FAM117B: variants seen among roughly 807,000 people sequenced by gnomAD.
The protein encoded by FAM117B is protein FAM117B.
In FAM117B, 22 loss-of-function variants were observed where a neutral mutation model predicts 52.8. The observed-to-expected ratio is 0.42, with a 90% CI of 0.30 to 0.59. FAM117B has a LOEUF of 0.59. FAM117B is among the 20% of genes least tolerant of loss of function. FAM117B has a pLI of 0.22. For missense variants in FAM117B, 678 were observed against 802.6 expected (o/e 0.84, Z 1.88); for synonymous variants, 309 against 324.1 (o/e 0.95, Z 0.50).
At chr2:202,654,684 A>G (rs1690026294) in intron 1 of FAM117B, among the ~76,000 whole-genome samples, 4 of 147,134 alleles carry the variant, frequency 2.7e-5, no homozygotes, top group Non-Finnish European at 6.0e-5. Context: ...TTTTTTGCCC[A>G]TATTGGAGTC....
intron 4 of FAM117B, among the ~76,000 whole-genome samples, chr2:202,734,492 A>G (rs1026248198): frequency 1.3e-5 from 2 of 152,218 alleles, no homozygotes; most frequent in African/African-American, 4.8e-5. Context: ...TAAAATACAA[A>G]TACAGTTGTC....
intron 1 of FAM117B, among the ~76,000 whole-genome samples, chr2:202,676,286 C>T (rs997349651): frequency 1.3e-5 from 2 of 151,992 alleles, no homozygotes; most frequent in African/African-American, 4.8e-5. Context: ...TTGGTTGTAT[C>T]TCTGTGGTAG....
intron 4 of FAM117B, among the ~76,000 whole-genome samples, chr2:202,745,606 TCAA>T (rs979770083): frequency 6.6e-6 from 1 of 152,212 alleles, no homozygotes; most frequent in Admixed American, 6.5e-5. Flanking sequence ...TTCTTACCTA[TCAA>T]CAACAACCTT....
chr2:202,656,219 A>G (rs1334270541), intron 1 of FAM117B, among the ~76,000 whole-genome samples: 1 of 151,950 alleles, frequency 6.6e-6, no homozygotes, highest in African/African-American at 2.4e-5. Flanking sequence ...CATTTCATTC[A>G]TCTCTGCTCT....
rs1398294710 is a variant in FAM117B, at chr2:202,646,316, C to T, written c.601+10528C>T. Among the ~76,000 whole-genome samples the T allele has an allele frequency of 2.0e-5, 3 of 152,344 alleles. No individual in the cohort carries two copies. In the East Asian group the frequency reaches 5.8e-4, roughly 29 times the overall value. ...GTGAGCCGCTTGGCCTGGCCACTTT[C>T]TATTAATATTTAAGTGAGACATTAA... On this transcript the variant is annotated intron_variant, in intron 1 of 7. Transcript: ENST00000392238.
intron 4 of FAM117B, among the ~76,000 whole-genome samples, chr2:202,729,239 C>T (rs1417393671): frequency 6.6e-6 from 1 of 151,944 alleles, no homozygotes; most frequent in South Asian, 2.1e-4. Context: ...GAGGCTGAGG[C>T]AGGAGAATGG....
intron 1 of FAM117B, among the ~76,000 whole-genome samples, chr2:202,669,488 C>T (rs1429898171): frequency 1.3e-5 from 2 of 151,736 alleles, no homozygotes; most frequent in Non-Finnish European, 2.9e-5. Context: ...TGCTTATTTT[C>T]GGGAGTGAAT....
intron 1 of FAM117B, among the ~76,000 whole-genome samples, chr2:202,658,037 T>G (rs1221465524): frequency 6.6e-6 from 1 of 152,172 alleles, no homozygotes; most frequent in Non-Finnish European, 1.5e-5. Flanking sequence ...TTACAGTGAT[T>G]CTATATGTTA....
chr2:202,754,465 G>T (rs1691770091), intron 4 of FAM117B, among the ~76,000 whole-genome samples: 3 of 152,118 alleles, frequency 2.0e-5, no homozygotes, highest in African/African-American at 7.2e-5. Context: ...AAACCTGCAT[G>T]TTCTGCACAT....
intron 1 of FAM117B, among the ~76,000 whole-genome samples, chr2:202,672,424 G>T (rs1467336300): frequency 6.6e-6 from 1 of 152,066 alleles, no homozygotes; most frequent in Non-Finnish European, 1.5e-5. Flanking sequence ...TGTTGGCCAG[G>T]GCTGATCTTG....
At chr2:202,733,764 T>TATTGTGCACCCAAGGTGCA (rs2105790535) in intron 4 of FAM117B, among the ~76,000 whole-genome samples, 1 of 152,332 alleles carries the variant, frequency 6.6e-6, no homozygotes, top group East Asian at 1.9e-4. Flanking sequence ...TGTTTTACAA[T>TATTGTGCACCCAAGGTGCA]CAGATTTCAT....
chr2:202,635,796 C>T lies in FAM117B; in HGVS notation c.601+8C>T, dbSNP rs1559090767. On this transcript the variant is annotated splice_region_variant and intron_variant, in intron 1 of 7. Transcript: ENST00000392238. Reference sequence around the variant, plus strand: ...CCCCGGTTTGCAAAGCAGGTAAGTGCTGGGGGTCGCGCAGCAAGGGGGAGG... The same window carrying T: ...CCCCGGTTTGCAAAGCAGGTAAGTGTTGGGGGTCGCGCAGCAAGGGGGAGG... 1.4e-6 allele frequency: 2 copies of T among 1,432,704 alleles called. No homozygotes were observed. Among genetic ancestry groups the T allele is most frequent in the Admixed American group, 2.6e-5 (1 of 37,998 alleles). 88.7% of individuals were successfully genotyped at this position (1,432,704 alleles called of 1,614,324 possible). A position where few individuals can be genotyped will look rare whatever the true frequency, so the allele number is the denominator to read the frequency against.
At chr2:202,661,126 A>G (rs1488734255) in intron 1 of FAM117B, among the ~76,000 whole-genome samples, 1 of 152,230 alleles carries the variant, frequency 6.6e-6, no homozygotes. Flanking sequence ...TCACTTCCCT[A>G]TCAGCTCTTC....
intron 1 of FAM117B, among the ~76,000 whole-genome samples, chr2:202,638,801 T>C (rs1689723886): frequency 6.6e-6 from 1 of 152,172 alleles, no homozygotes; most frequent in African/African-American, 2.4e-5. Flanking sequence ...ATAAAAACTC[T>C]TATTTTTCTA....
At chr2:202,758,912 C>A (rs1422287752) in intron 6 of FAM117B, among the ~76,000 whole-genome samples, 1 of 152,150 alleles carries the variant, frequency 6.6e-6, no homozygotes, top group Non-Finnish European at 1.5e-5. Flanking sequence ...AATGAAGAAC[C>A]ATTTCAGATA....
At chr2:202,642,565 G>A (rs1468213511) in intron 1 of FAM117B, among the ~76,000 whole-genome samples, 1 of 151,952 alleles carries the variant, frequency 6.6e-6, no homozygotes, top group Non-Finnish European at 1.5e-5. Flanking sequence ...ACAGTGAGGA[G>A]AACAGATTTG....
In FAM117B at chr2:202,766,538, C is replaced by G. The variant is rs1014725809; in HGVS notation, c.*774C>G. 4 of 152,620 alleles carry G rather than the reference C, an allele frequency of 2.6e-5. No homozygotes were observed. Among genetic ancestry groups the G allele is most frequent in the Middle Eastern group, 6.3e-3 (2 of 316 alleles). The allele number at this position is 152,620 out of a possible 1,614,324, so 9.5% of individuals were successfully genotyped here. ...TTCTTCACTACTCCTGTACACATTT[C>G]ACCATGTGGTCAGAAAAGTTGTAGT... On this transcript the variant is annotated 3_prime_UTR_variant, in exon 8 of 8. Transcript: ENST00000392238.
intron 1 of FAM117B, among the ~76,000 whole-genome samples, chr2:202,657,296 C>T (rs915197780): frequency 1.3e-5 from 2 of 152,120 alleles, no homozygotes; most frequent in African/African-American, 4.8e-5. Flanking sequence ...CCATGTTGAC[C>T]AGGCTGGTCT....
At chr2:202,710,424 A>C (rs797014445) in intron 2 of FAM117B, among the ~76,000 whole-genome samples, 23 of 152,108 alleles carry the variant, frequency 1.5e-4, no homozygotes, top group African/African-American at 5.5e-4. Context: ...TTTCTTATAC[A>C]CATAGGTGTA....
Sources: gnomAD v4.1 joint callset for allele counts (sites outside exome capture counted in the v4.1 genomes callset) on GRCh38, gnomAD v4.1.1 for gene constraint, MANE v1.5 for transcripts, NCBI Gene and HGNC (gene_info 2026-07-23, HGNC 2026-07-21) for gene names.